The following UNC5D variants were observed in gnomAD, a reference collection of about 807,000 sequenced individuals.
UNC5D encodes unc-5 netrin receptor D.
In UNC5D, 39 loss-of-function variants were observed where a neutral mutation model predicts 105.4. That is an observed-to-expected ratio of 0.37 (90% confidence interval 0.29 to 0.48). The LOEUF is 0.48. Ranked by LOEUF, UNC5D falls within the 20% of genes least tolerant of loss-of-function variation. The pLI is 0.98. For missense variants in UNC5D, 991 were observed against 1,202.4 expected (o/e 0.82, Z 2.60); for synonymous variants, 452 against 450.4 (o/e 1.00, Z -0.04).
At chr8:35,344,236 A>G (rs1266589251) in intron 1 of UNC5D, among the ~76,000 whole-genome samples, 2 of 152,108 alleles carry the variant, frequency 1.3e-5, no homozygotes, top group Non-Finnish European at 2.9e-5. Context: ...TTTGCCGGGT[A>G]GTAAGATGCG....
chr8:35,660,661 T>G (rs1222386010), intron 4 of UNC5D, among the ~76,000 whole-genome samples: 1 of 152,150 alleles, frequency 6.6e-6, no homozygotes, highest in East Asian at 1.9e-4. Context: ...TGTACCTATA[T>G]GTAATCCATC....
At chr8:35,428,346 A>AT (rs35131097) in intron 1 of UNC5D, among the ~76,000 whole-genome samples, 26,420 of 92,708 alleles carry the variant, frequency 0.28, 4,477 homozygotes, top group African/African-American at 0.38. Flanking sequence ...ATGCCTGGCT[A>AT]TTTTTTTTTT....
chr8:35,688,766 CTG>C (rs963412068), intron 7 of UNC5D, among the ~76,000 whole-genome samples: 2 of 152,232 alleles, frequency 1.3e-5, no homozygotes, highest in African/African-American at 4.8e-5. Flanking sequence ...TGAGGTGTGA[CTG>C]TTTTCATTTC....
chr8:35,503,031 G>A (rs1294738753), intron 1 of UNC5D, among the ~76,000 whole-genome samples: 1 of 152,152 alleles, frequency 6.6e-6, no homozygotes, highest in East Asian at 1.9e-4. Context: ...AAAATCAGTT[G>A]TAGAAGTACA....
chr8:35,641,398 C>CAGCATCT (rs1455040492), intron 4 of UNC5D, among the ~76,000 whole-genome samples: 2 of 70,300 alleles, frequency 2.8e-5, no homozygotes, highest in Non-Finnish European at 6.0e-5. Context: ...AAAAAAAAAA[C>CAGCATCT]AGCATCTACA....
Position 35,749,409 on chromosome 8 carries a change from A to G in UNC5D, c.1935+714A>G, listed in dbSNP as rs1365143038. 2.6e-5 allele frequency among the ~76,000 whole-genome samples: 4 copies of G among 152,182 alleles called. No individual in the cohort carries two copies. In the East Asian group the frequency reaches 5.8e-4, roughly 22 times the overall value. ...TCCATCTGCAGTCAGCTTGCATGAA[A>G]CTGGGAGAATTATCTTTGTTGGAAC... is the stretch of plus-strand genomic sequence containing the variant. On this transcript the variant is annotated intron_variant, in intron 12 of 16. Transcript: ENST00000404895.
In UNC5D at chr8:35,670,725, G is replaced by A. The variant is rs142510358; in HGVS notation, c.571-12822G>A. Among the ~76,000 whole-genome samples the A allele has an allele frequency of 1.1e-3, 171 of 152,172 alleles. 7 individuals are homozygous for A. In the East Asian group the frequency reaches 0.031, roughly 27 times the overall value. On this transcript the variant is annotated intron_variant, in intron 4 of 16. Coordinates refer to ENST00000404895, the MANE Select transcript of UNC5D (RefSeq NM_080872.4). ...GCTTGTTGGGGGATGTGAGGGCAAG[G>A]GGAGGGAGAGCATTAGGACAAATAC...
intron 1 of UNC5D, among the ~76,000 whole-genome samples, chr8:35,316,201 G>A (rs889472722): frequency 6.6e-6 from 1 of 152,182 alleles, no homozygotes; most frequent in African/African-American, 2.4e-5. Flanking sequence ...TCGTATTAAT[G>A]TGACAGTATT....
chr8:35,455,348 G>A (rs766925001), intron 1 of UNC5D, among the ~76,000 whole-genome samples: 11 of 150,894 alleles, frequency 7.3e-5, no homozygotes, highest in Non-Finnish European at 1.5e-4. Context: ...GTGAAATCTC[G>A]GCTCACTGCA....
chr8:35,372,707 A>C (rs2128926136), intron 1 of UNC5D, among the ~76,000 whole-genome samples: 1 of 151,718 alleles, frequency 6.6e-6, no homozygotes, highest in Non-Finnish European at 1.5e-5. Flanking sequence ...GAGCTGAAGA[A>C]ATTCTTTTAC....
At chr8:35,697,160 C>G (rs1826840870) in intron 7 of UNC5D, among the ~76,000 whole-genome samples, 1 of 149,334 alleles carries the variant, frequency 6.7e-6, no homozygotes, top group African/African-American at 2.5e-5. Context: ...CACACACACA[C>G]AACATAAGCA....
intron 1 of UNC5D, among the ~76,000 whole-genome samples, chr8:35,483,868 G>T (rs1480001168): frequency 6.6e-6 from 1 of 152,014 alleles, no homozygotes; most frequent in Non-Finnish European, 1.5e-5. Flanking sequence ...TTTTCTTTAG[G>T]CAGTCACTTA....
intron 1 of UNC5D, among the ~76,000 whole-genome samples, chr8:35,442,205 G>A (rs1191451286): frequency 6.6e-6 from 1 of 151,814 alleles, no homozygotes; most frequent in Non-Finnish European, 1.5e-5. Flanking sequence ...GTTATTGAAG[G>A]TAGGTGAGAG....
intron 3 of UNC5D, among the ~76,000 whole-genome samples, chr8:35,586,354 T>G (rs189928780): frequency 9.1e-4 from 139 of 152,268 alleles, no homozygotes; most frequent in African/African-American, 3.2e-3. Flanking sequence ...GCAGATAATG[T>G]GCCAAATACA....
At chr8:35,751,259 A>C (rs73576273) in intron 13 of UNC5D, among the ~76,000 whole-genome samples, 11,430 of 152,216 alleles carry the variant, frequency 0.075, 1,171 homozygotes, top group African/African-American at 0.23. Flanking sequence ...CTACTGATCC[A>C]TGTGCAGGGT....
At chr8:35,537,536 C>T (rs973799677) in intron 1 of UNC5D, among the ~76,000 whole-genome samples, 1 of 151,998 alleles carries the variant, frequency 6.6e-6, no homozygotes, top group African/African-American at 2.4e-5. Context: ...AAATAATTAT[C>T]TGGGCATGGT....
chr8:35,477,457 C>T (rs1311743713), intron 1 of UNC5D, among the ~76,000 whole-genome samples: 4 of 151,042 alleles, frequency 2.6e-5, no homozygotes, highest in African/African-American at 9.7e-5. Flanking sequence ...TTTCTTTTTT[C>T]ACAGAATGAT....
chr8:35,294,902 G>A (rs908123926), intron 1 of UNC5D, among the ~76,000 whole-genome samples: 3 of 152,040 alleles, frequency 2.0e-5, no homozygotes, highest in Admixed American at 2.0e-4. Context: ...GGTGTTATTC[G>A]AAGTTTATGG....
chr8:35,568,160 C>A lies in UNC5D; in HGVS notation c.385C>A (p.Pro129Thr), dbSNP rs1817481338. ...TRQQVEDFHG[P>T]EDYWCQCVAW... ...GCAACAGGTGGAGGACTTCCATGGG[C>A]CCGAGGACTATTGGTGCCAGTGTGT... Residue 129 changes from proline to threonine, a missense_variant, in exon 3 of 17, where the codon CCC becomes ACC. By Grantham distance (38) the Pro-to-Thr change is conservative. Transcript: ENST00000404895. 1 of 1,614,168 alleles carries A rather than the reference C, an allele frequency of 6.2e-7. No homozygotes were observed. The highest frequency in any genetic ancestry group is 8.5e-7 in the Non-Finnish European group (1 of 1,180,028).
Sources: gnomAD v4.1 joint callset for allele counts (sites outside exome capture counted in the v4.1 genomes callset) on GRCh38, gnomAD v4.1.1 for gene constraint, MANE v1.5 for transcripts, NCBI Gene and HGNC (gene_info 2026-07-23, HGNC 2026-07-21) for gene names.